Variants in CUL2 observed in about 807,000 individuals in gnomAD.
The protein encoded by CUL2 is cullin 2.
Under a neutral mutation model 110.2 loss-of-function variants are expected in CUL2, and 22 were observed. That is an observed-to-expected ratio of 0.20 (90% CI 0.14 to 0.28). The LOEUF is 0.28. Among genes scored for constraint, CUL2 ranks in the 10% least tolerant of loss-of-function variants. The probability of loss-of-function intolerance (pLI) is 1.00; values close to 1 mark genes in which losing one functional copy is unlikely to be tolerated. For synonymous variants in CUL2, 279 were observed against 293.2 expected (o/e 0.95, Z 0.49); for missense variants, 631 against 905.5 (o/e 0.70, Z 3.89).
At chr10:35,036,152 T>C (rs752057906) in intron 9 of CUL2, among the ~76,000 whole-genome samples, 15 of 152,262 alleles carry the variant, frequency 9.9e-5, no homozygotes, top group Non-Finnish European at 2.1e-4. Context: ...TAACCACTGC[T>C]GTGACTTCTA....
chr10:35,118,965 G>C (rs2087641253), intron 1 of CUL2, among the ~76,000 whole-genome samples: 1 of 152,186 alleles, frequency 6.6e-6, no homozygotes, highest in South Asian at 2.1e-4. Context: ...GGGACAATGG[G>C]GTCCCCAGGC....
At chr10:35,114,510 G>A (rs2135135682) in intron 1 of CUL2, among the ~76,000 whole-genome samples, 1 of 151,786 alleles carries the variant, frequency 6.6e-6, no homozygotes, top group Admixed American at 6.6e-5. Flanking sequence ...AGCCTCCCGA[G>A]TAGCTGGGAT....
At chr10:35,070,497 T>C (rs1365459524) in intron 2 of CUL2, among the ~76,000 whole-genome samples, 1 of 152,170 alleles carries the variant, frequency 6.6e-6, no homozygotes, top group Non-Finnish European at 1.5e-5. Flanking sequence ...AGAAGATTGC[T>C]AGAGAGGGCA....
chr10:35,013,672 A>T (rs758529247), intron 19 of CUL2, 27 bp downstream of exon 19: 38 of 1,449,646 alleles, frequency 2.6e-5, no homozygotes, highest in Non-Finnish European at 3.3e-5. Context: ...TCCCCCTCAA[A>T]AAAAACTTGA....
At chr10:35,028,587 A>G (rs950618451) in intron 16 of CUL2, among the ~76,000 whole-genome samples, 3 of 152,238 alleles carry the variant, frequency 2.0e-5, no homozygotes, top group African/African-American at 7.2e-5. Context: ...AATAAGAGAC[A>G]TGCTTTGACA....
intron 16 of CUL2, among the ~76,000 whole-genome samples, chr10:35,025,530 C>T (rs1014020266): frequency 6.6e-6 from 1 of 152,136 alleles, no homozygotes; most frequent in African/African-American, 2.4e-5. Flanking sequence ...TTCTACTAAC[C>T]AAACACAGCA....
chr10:35,052,285 G>A (rs1281531872), intron 5 of CUL2, among the ~76,000 whole-genome samples: 1 of 152,166 alleles, frequency 6.6e-6, no homozygotes, highest in South Asian at 2.1e-4. Context: ...GGGTTGGGGA[G>A]GCAATACATG....
At chr10:35,101,374 A>T (rs2490658) in intron 1 of CUL2, among the ~76,000 whole-genome samples, 151,671 of 152,322 alleles carry the variant, frequency 1, 75,516 homozygotes, top group Middle Eastern at 1. Flanking sequence ...GAGACCACAC[A>T]TTGACCTCAT....
rs1197802108 is a variant in CUL2 at position 35,009,504 on chromosome 10, A to G, written c.*807T>C. The G allele has an allele frequency of 6.6e-6, 1 of 150,970 alleles. No individual in the cohort carries two copies. The highest frequency in any genetic ancestry group is 2.5e-5 in the African/African-American group (1 of 40,294). The allele number at this position is 150,970 out of a possible 1,614,324, so 9.4% of individuals were successfully genotyped here. On this transcript the variant is annotated 3_prime_UTR_variant, in exon 21 of 21. Transcript: ENST00000374749. ...TGGATTATGCAACCGAAGAAAGACA[A>G]CTTTTGAATGAAAAGCTCTCTCTGT...
intron 1 of CUL2, among the ~76,000 whole-genome samples, chr10:35,110,271 A>C (rs143437940): frequency 3.9e-5 from 6 of 152,312 alleles, no homozygotes; most frequent in Non-Finnish European, 7.3e-5. Flanking sequence ...TGGATTAAAG[A>C]ATAGAAATTT....
intron 5 of CUL2, among the ~76,000 whole-genome samples, chr10:35,050,183 T>C (rs2086064171): frequency 6.6e-6 from 1 of 152,034 alleles, no homozygotes; most frequent in African/African-American, 2.4e-5. Context: ...GAGCCTGGTG[T>C]GGTGGCATGC....
At chr10:35,011,777 G>C in intron 20 of CUL2, 71 bp downstream of exon 20, 2 of 744,586 alleles carry the variant, frequency 2.7e-6, no homozygotes, top group Non-Finnish European at 4.6e-6. Flanking sequence ...TCTTTAAGAA[G>C]AAAGAGACTG....
At chr10:35,101,264 G>T (rs1159602930) in intron 1 of CUL2, among the ~76,000 whole-genome samples, 1 of 152,186 alleles carries the variant, frequency 6.6e-6, no homozygotes, top group African/African-American at 2.4e-5. Context: ...TTCACCTGAT[G>T]CCGCTGGCAA....
In CUL2 at chr10:35,042,411, C is replaced by T. The variant is rs188878175; in HGVS notation, c.714+2155G>A. Among the ~76,000 whole-genome samples, 314 of 152,262 alleles carry T rather than the reference C, an allele frequency of 2.1e-3. 2 individuals are homozygous for T. Among genetic ancestry groups the T allele is most frequent in the Middle Eastern group, 0.01 (3 of 294 alleles). On this transcript the variant is annotated intron_variant, in intron 8 of 20. Transcript: ENST00000374749. ...TTCATCTGTGGTTCCTGGTTCATAA[C>T]TCCCTTAGCCCTAGTTACAGTCTTT...
intron 6 of CUL2, among the ~76,000 whole-genome samples, chr10:35,049,335 T>C (rs1457282793): frequency 1.3e-5 from 2 of 152,128 alleles, no homozygotes; most frequent in Non-Finnish European, 2.9e-5. Context: ...CACGAGGATT[T>C]AAACAGGTAA....
intron 1 of CUL2, among the ~76,000 whole-genome samples, chr10:35,109,136 C>T (rs75752586): frequency 0.15 from 22,960 of 152,090 alleles, 1,956 homozygotes; most frequent in East Asian, 0.24. Flanking sequence ...TTGCTTGAGC[C>T]TGGAGGTTGA....
At chr10:35,015,182 A>G (rs758367308) in intron 18 of CUL2, among the ~76,000 whole-genome samples, 55 of 151,784 alleles carry the variant, frequency 3.6e-4, no homozygotes, top group Non-Finnish European at 6.9e-4. Context: ...AGTCCCAGCT[A>G]CTCAGGAGGC....
intron 17 of CUL2, among the ~76,000 whole-genome samples, chr10:35,022,426 T>C (rs1411111298): frequency 6.6e-6 from 1 of 152,140 alleles, no homozygotes; most frequent in African/African-American, 2.4e-5. Flanking sequence ...AATGTAGAAA[T>C]AGACTAGGCA....
intron 1 of CUL2, among the ~76,000 whole-genome samples, chr10:35,123,198 T>A (rs963579591): frequency 7.9e-5 from 12 of 152,244 alleles, no homozygotes; most frequent in Middle Eastern, 3.4e-3. Context: ...CATGCCAAAC[T>A]TAGTTACACT....
Sources: gnomAD v4.1 joint callset for allele counts (sites outside exome capture counted in the v4.1 genomes callset) on GRCh38, gnomAD v4.1.1 for gene constraint, MANE v1.5 for transcripts, NCBI Gene and HGNC (gene_info 2026-07-23, HGNC 2026-07-21) for gene names.